The following PDE5A variants were observed in gnomAD, a reference collection of about 807,000 sequenced individuals.
PDE5A encodes phosphodiesterase 5A, also known as cGMP-specific 3',5'-cyclic phosphodiesterase.
Under a neutral mutation model 110.2 loss-of-function variants are expected in PDE5A, and 67 were observed. That is an observed-to-expected ratio of 0.61 (90% CI 0.50 to 0.75). The LOEUF is 0.75. Ranked by LOEUF, PDE5A falls within the 30% of genes least tolerant of loss-of-function variation. The probability of loss-of-function intolerance (pLI) is 0.00; values close to 1 mark genes in which losing one functional copy is unlikely to be tolerated. For missense variants in PDE5A, 862 were observed against 1,045.1 expected, an observed-to-expected ratio of 0.82 and a Z score of 2.42; for synonymous variants, 328 against 351.2, an observed-to-expected ratio of 0.93 and a Z score of 0.74.
chr4:119,518,106 C>T (rs984932586), intron 14 of PDE5A, among the ~76,000 whole-genome samples: 2 of 151,994 alleles, frequency 1.3e-5, no homozygotes, highest in Middle Eastern at 3.2e-3. Context: ...ATGAAGTTTT[C>T]CATTTATTTA....
At chr4:119,534,932 A>G (rs1278696602) in intron 11 of PDE5A, among the ~76,000 whole-genome samples, 1 of 152,216 alleles carries the variant, frequency 6.6e-6, no homozygotes, top group Admixed American at 6.5e-5. Context: ...GGCCTAAGAA[A>G]TCCTGCCTAA....
In PDE5A at chr4:119,511,053, A is replaced by G. The variant is rs1187172617; in HGVS notation, c.2082T>C (p.Asn694=). Reference sequence around the variant, plus strand: ...CAATAAATTAGGTACTTACTGGACTATTAAGAATCATCAGGCACTGGTCAA... The same window carrying G: ...CAATAAATTAGGTACTTACTGGACTGTTAAGAATCATCAGGCACTGGTCAA... ...HHFDQCLMIL[N]SPGNQILSGL... Residue 694 remains asparagine (N), a synonymous_variant, in exon 15 of 21, where the codon AAT becomes AAC. Coordinates refer to ENST00000354960, the MANE Select transcript of PDE5A (RefSeq NM_001083.4). 1 of 1,581,346 alleles carries G rather than the reference A, an allele frequency of 6.3e-7. No individual in the cohort carries two copies. The highest frequency in any genetic ancestry group is 1.3e-5 in the African/African-American group (1 of 74,172).
At chr4:119,580,843 A>G (rs1352291120) in intron 3 of PDE5A, among the ~76,000 whole-genome samples, 1 of 152,268 alleles carries the variant, frequency 6.6e-6, no homozygotes, top group East Asian at 1.9e-4. Context: ...TAGGTTATAC[A>G]AGTTGTATTT....
intron 12 of PDE5A, among the ~76,000 whole-genome samples, chr4:119,521,676 G>T (rs2110470513): frequency 6.6e-6 from 1 of 151,622 alleles, no homozygotes; most frequent in East Asian, 1.9e-4. Flanking sequence ...TTACTGCCTG[G>T]TTACAAAGAA....
At chr4:119,597,524 G>T (rs1213674351) in intron 2 of PDE5A, among the ~76,000 whole-genome samples, 2 of 152,024 alleles carry the variant, frequency 1.3e-5, no homozygotes, top group Non-Finnish European at 2.9e-5. Context: ...GGTTAGAGTG[G>T]AATGGAATCA....
chr4:119,606,074 T>G (rs1216041312), intron 2 of PDE5A, among the ~76,000 whole-genome samples: 1 of 152,228 alleles, frequency 6.6e-6, no homozygotes, highest in Admixed American at 6.5e-5. Flanking sequence ...CAGTGTAACC[T>G]TTAAGCCCTT....
rs1168338273 is a variant in PDE5A, at chr4:119,592,383, G to A, written c.831+4140C>T. Among the ~76,000 whole-genome samples the A allele has an allele frequency of 8.8e-5, 13 of 147,252 alleles. No individual in the cohort carries two copies. In the South Asian group the frequency reaches 1.1e-3, roughly 12 times the overall value. On this transcript the variant is annotated intron_variant, in intron 3 of 20. Transcript: ENST00000354960. ...TGAGGCAGGAGAATGGCGCAAACCCGGGAGGCGGAGGCTGCAGTGAGCCGA... is the reference window on the plus strand; with the variant it reads ...TGAGGCAGGAGAATGGCGCAAACCCAGGAGGCGGAGGCTGCAGTGAGCCGA...
chr4:119,507,069 G>A (rs1265340936), intron 16 of PDE5A, among the ~76,000 whole-genome samples: 1 of 151,922 alleles, frequency 6.6e-6, no homozygotes, highest in Admixed American at 6.6e-5. Context: ...GTTTAATCAT[G>A]AAAATGCATA....
chr4:119,512,591 T>C (rs1725783693), intron 14 of PDE5A: 1 of 152,006 alleles, frequency 6.6e-6, no homozygotes, highest in Admixed American at 6.6e-5. Context: ...TGAGAGCTGT[T>C]TAAGAGTAGA....
intron 7 of PDE5A, among the ~76,000 whole-genome samples, chr4:119,556,598 C>G (rs980822075): frequency 6.6e-6 from 1 of 152,120 alleles, no homozygotes; most frequent in African/African-American, 2.4e-5. Flanking sequence ...TAAGCCTAAT[C>G]CTAAGTGATA....
At chr4:119,564,266 T>C (rs953242886) in intron 5 of PDE5A, among the ~76,000 whole-genome samples, 1 of 152,130 alleles carries the variant, frequency 6.6e-6, no homozygotes, top group Non-Finnish European at 1.5e-5. Context: ...TCTGAGAAAC[T>C]GATTTTTCAG....
intron 11 of PDE5A, among the ~76,000 whole-genome samples, chr4:119,535,918 G>A (rs369783555): frequency 3.3e-5 from 5 of 152,054 alleles, no homozygotes; most frequent in East Asian, 3.9e-4. Flanking sequence ...CCAGACAAAC[G>A]ACAGCAATTT....
chr4:119,579,869 T>C (rs1209990187), intron 3 of PDE5A, among the ~76,000 whole-genome samples: 1 of 151,908 alleles, frequency 6.6e-6, no homozygotes, highest in Admixed American at 6.6e-5. Context: ...TGAGTTTCAC[T>C]GTACGTGAAT....
At chr4:119,502,483 G>A (rs11942898) in intron 19 of PDE5A, 98 bp downstream of exon 19, 3 of 666,090 alleles carry the variant, frequency 4.5e-6, no homozygotes, top group Admixed American at 2.7e-5. Flanking sequence ...ATGAGAAATT[G>A]TGGTCCTAAG....
chr4:119,498,877 C>T, intron 20 of PDE5A, 139 bp from the exon 21 acceptor site: 1 of 766,522 alleles, frequency 1.3e-6, no homozygotes. Context: ...GCTTTGTGAG[C>T]ACATACACAG....
intron 1 of PDE5A, among the ~76,000 whole-genome samples, chr4:119,610,015 G>A (rs1330281609): frequency 1.3e-5 from 2 of 152,146 alleles, no homozygotes; most frequent in Non-Finnish European, 2.9e-5. Context: ...ATTTGAAGAA[G>A]CACAAAAGCA....
At chr4:119,602,128 T>C (rs1014807899) in intron 2 of PDE5A, among the ~76,000 whole-genome samples, 2 of 152,252 alleles carry the variant, frequency 1.3e-5, no homozygotes, top group Admixed American at 6.5e-5. Context: ...GATTAGATAA[T>C]AGTATTCTAT....
chr4:119,616,732 C>T (rs1729956198), intron 1 of PDE5A, among the ~76,000 whole-genome samples: 3 of 69,674 alleles, frequency 4.3e-5, no homozygotes, highest in Admixed American at 2.0e-4. Context: ...CAAATTCATT[C>T]GTGAATGATA....
intron 18 of PDE5A, among the ~76,000 whole-genome samples, 196 bp from the exon 19 acceptor site, chr4:119,502,851 A>C (rs1725409082): frequency 6.6e-6 from 1 of 152,150 alleles, no homozygotes; most frequent in Non-Finnish European, 1.5e-5. Flanking sequence ...TTTTTCACTT[A>C]GGTACATCTC....
Sources: gnomAD v4.1 joint callset for allele counts (sites outside exome capture counted in the v4.1 genomes callset) on GRCh38, gnomAD v4.1.1 for gene constraint, MANE v1.5 for transcripts, NCBI Gene and HGNC (gene_info 2026-07-23, HGNC 2026-07-21) for gene names.